CA2: variants seen among roughly 807,000 people sequenced by gnomAD.
CA2 encodes the protein carbonate dehydratase II.
In CA2, 23 loss-of-function variants were observed where a neutral mutation model predicts 27.8. That is an observed-to-expected ratio of 0.83 (90% CI 0.59 to 1.17). The LOEUF is 1.17. Among genes scored for constraint, CA2 ranks in the 50% most tolerant of loss-of-function variants. The pLI is 0.00. For synonymous variants in CA2, 99 were observed against 114.9 expected, an observed-to-expected ratio of 0.86 and a Z score of 0.88; for missense variants, 300 against 314.7, an observed-to-expected ratio of 0.95 and a Z score of 0.35.
Position 85,477,211 on chromosome 8 carries a change from C to T in CA2, c.599C>T (p.Pro200Leu). Reference protein sequence around the residue: ...YWTYPGSLTTPPLLECVTWIV... With the variant: ...YWTYPGSLTTLPLLECVTWIV... Reference sequence around the variant, plus strand: ...ACCTACCCAGGCTCACTGACCACCCCTCCTCTTCTGGAATGTGTGACCTGG... The same window carrying T: ...ACCTACCCAGGCTCACTGACCACCCTTCCTCTTCTGGAATGTGTGACCTGG... Residue 200 changes from proline (P) to leucine (L), a missense_variant, in exon 6 of 7, where the codon CCT becomes CTT. Pro to Leu is a moderately conservative substitution (Grantham distance 98). This residue lies in a region of CA2 where 173 missense variants were observed against 161.0 expected (regional missense o/e 1.07). Coordinates refer to ENST00000285379, the MANE Select transcript of CA2 (RefSeq NM_000067.3). The T allele has an allele frequency of 6.2e-7, 1 of 1,614,142 alleles. No individual in the cohort carries two copies. Among genetic ancestry groups the T allele is most frequent in the Non-Finnish European group, 8.5e-7 (1 of 1,180,000 alleles).
In CA2 at chr8:85,474,319, C is replaced by T. The variant is rs766238775; in HGVS notation, c.352-5C>T. The T allele has an allele frequency of 4.3e-6, 7 of 1,612,068 alleles. No individual in the cohort carries two copies. The highest frequency in any genetic ancestry group is 5.9e-6 in the Non-Finnish European group (7 of 1,178,138). ...CTCACTGTGGCTTTGTCTCTTCGGC[C>T]TTAGCTTCACTTGGTTCACTGGAAC... On this transcript the variant is annotated splice_region_variant and splice_polypyrimidine_tract_variant and intron_variant, in intron 3 of 6. Coordinates refer to ENST00000285379, the MANE Select transcript of CA2 (RefSeq NM_000067.3).
chr8:85,473,563 A>G (rs775485486), intron 2 of CA2, 130 bp from the exon 3 acceptor site: 1 of 702,276 alleles, frequency 1.4e-6, no homozygotes, highest in Non-Finnish European at 2.6e-6. Flanking sequence ...TAGTACTGTA[A>G]AACAGAATTA....
chr8:85,480,991 T>A lies in CA2; in HGVS notation c.*202T>A. ...TGACACAACTGCTGTGGCTGGTTGG[T>A]GCTTTGTTTATGGTAGTAGTTTTTC... On this transcript the variant is annotated 3_prime_UTR_variant, in exon 7 of 7. Coordinates refer to ENST00000285379, the MANE Select transcript of CA2 (RefSeq NM_000067.3). 3.4e-6 allele frequency: 2 copies of A among 588,416 alleles called. No homozygotes were observed. The highest frequency in any genetic ancestry group is 6.0e-6 in the Non-Finnish European group (2 of 330,610). 36.4% of individuals were successfully genotyped at this position (588,416 alleles called of 1,614,324 possible).
At chr8:85,475,708 A>G in intron 4 of CA2, 90 bp from the exon 5 acceptor site, 1 of 1,166,048 alleles carries the variant, frequency 8.6e-7, no homozygotes, top group Middle Eastern at 1.9e-4. Context: ...CACTATTTGG[A>G]TGTTTTCTAA....
rs910493177 is a variant in CA2 at position 85,481,331 on chromosome 8, T to C, written c.*542T>C. Reference sequence around the variant, plus strand: ...GTTATCTTAAATATGAATTCTGTTGTAATTTAATGACTTTTGAATTACAGA... The same window carrying C: ...GTTATCTTAAATATGAATTCTGTTGCAATTTAATGACTTTTGAATTACAGA... On this transcript the variant is annotated 3_prime_UTR_variant, in exon 7 of 7. Coordinates refer to ENST00000285379, the MANE Select transcript of CA2 (RefSeq NM_000067.3). 5 of 154,140 alleles carry C rather than the reference T, an allele frequency of 3.2e-5. No homozygotes were observed. Among genetic ancestry groups the C allele is most frequent in the Admixed American group, 2.6e-4 (4 of 15,594 alleles). 9.5% of individuals were successfully genotyped at this position (154,140 alleles called of 1,614,324 possible).
rs1030842217 is a variant in CA2 at position 85,473,680 on chromosome 8, G to A, written c.233-13G>A. On this transcript the variant is annotated splice_polypyrimidine_tract_variant and intron_variant, in intron 2 of 6. Transcript: ENST00000285379. ...ACATATATGTTACATATATATATAT[G>A]TTTTAATTTTAGTGCTCAAGGGAGG... is the stretch of plus-strand genomic sequence containing the variant. 3.1e-6 allele frequency: 4 copies of A among 1,274,528 alleles called. No individual in the cohort carries two copies. The Admixed American group carries it at 6.7e-5, about 21-fold the overall frequency. 79.0% of individuals were successfully genotyped at this position (1,274,528 alleles called of 1,614,324 possible).
At chr8:85,480,584 G>C in intron 6 of CA2, 86 bp from the exon 7 acceptor site, 1 of 1,382,938 alleles carries the variant, frequency 7.2e-7, no homozygotes, top group African/African-American at 1.4e-5. Flanking sequence ...CGCCTGGCCG[G>C]GGAATGTATT....
In CA2 at chr8:85,474,470, G is replaced by C. The variant is rs552852909; in HGVS notation, c.444+54G>C. 205 of 1,260,150 alleles carry C rather than the reference G, an allele frequency of 1.6e-4. No individual in the cohort carries two copies. In the Middle Eastern group the frequency reaches 3.2e-3, roughly 19 times the overall value. 78.1% of individuals were successfully genotyped at this position (1,260,150 alleles called of 1,614,324 possible). A position where few individuals can be genotyped will look rare whatever the true frequency, so the allele number is the denominator to read the frequency against. On this transcript the variant is annotated intron_variant, in intron 4 of 6. Coordinates refer to ENST00000285379, the MANE Select transcript of CA2 (RefSeq NM_000067.3). ...CCCTATTTTTAATAAAGAATGACCA[G>C]ACAGAGTATTTGTAACATACAGGAC... is the stretch of plus-strand genomic sequence containing the variant.
chr8:85,473,526 AGT>A (rs1484918994), intron 2 of CA2, 165 bp from the exon 3 acceptor site: 5 of 688,112 alleles, frequency 7.3e-6, no homozygotes, highest in Non-Finnish European at 1.3e-5. Context: ...GAATTTTCAG[AGT>A]AAAATGTGAT....
intron 2 of CA2, among the ~76,000 whole-genome samples, chr8:85,472,817 T>G (rs539417786): frequency 9.2e-5 from 14 of 151,766 alleles, no homozygotes; most frequent in Non-Finnish European, 2.1e-4. Context: ...AAGGCAAGAC[T>G]CTGCCTCTAC....
intron 4 of CA2, 50 bp from the exon 5 acceptor site, chr8:85,475,748 G>A (rs371512016): frequency 3.7e-5 from 56 of 1,533,818 alleles, no homozygotes; most frequent in Middle Eastern, 3.4e-4. Context: ...ATAAAAACTG[G>A]TACAGTACCA....
rs370381560 is a variant in CA2, at chr8:85,475,513, G to C, written c.445-285G>C. ...AAGTCCTACAAGGAAATCAAGGCAAGCCCTTGAGGAGTATCCTTTGGCAGT... is the reference window on the plus strand; with the variant it reads ...AAGTCCTACAAGGAAATCAAGGCAACCCCTTGAGGAGTATCCTTTGGCAGT... On this transcript the variant is annotated intron_variant, in intron 4 of 6. Transcript: ENST00000285379. Among the ~76,000 whole-genome samples, 27 of 152,008 alleles carry C rather than the reference G, an allele frequency of 1.8e-4. No individual in the cohort carries two copies. In the South Asian group the frequency reaches 3.5e-3, roughly 20 times the overall value.
intron 1 of CA2, 38 bp from the exon 2 acceptor site, chr8:85,465,234 C>G (rs757806803): frequency 6.5e-7 from 1 of 1,545,600 alleles, no homozygotes; most frequent in Admixed American, 1.7e-5. Flanking sequence ...GTGTACCTTT[C>G]CCCACAATGG....
intron 2 of CA2, among the ~76,000 whole-genome samples, chr8:85,472,882 T>C (rs1363340328): frequency 6.6e-6 from 1 of 151,492 alleles, no homozygotes. Context: ...TCCCAGCTAC[T>C]CGGGAGGCTG....
chr8:85,474,522 C>A, intron 4 of CA2, 106 bp downstream of exon 4: 1 of 889,962 alleles, frequency 1.1e-6, no homozygotes, highest in Non-Finnish European at 1.9e-6. Flanking sequence ...TAGGAAATGC[C>A]TTTGTCCCTG....
chr8:85,464,293 G>T, intron 1 of CA2, 178 bp downstream of exon 1: 3 of 506,982 alleles, frequency 5.9e-6, no homozygotes, highest in Non-Finnish European at 1.0e-5. Flanking sequence ...GCGGCTCCGC[G>T]GCGCCGGGGA....
chr8:85,473,039 A>T (rs1279571309), intron 2 of CA2, among the ~76,000 whole-genome samples: 2 of 140,254 alleles, frequency 1.4e-5, no homozygotes, highest in East Asian at 2.7e-4. Flanking sequence ...TAAATAAATA[A>T]TAAAAAAAAT....
chr8:85,467,033 T>C (rs1811641373), intron 2 of CA2, among the ~76,000 whole-genome samples: 1 of 152,228 alleles, frequency 6.6e-6, no homozygotes, highest in Admixed American at 6.5e-5. Flanking sequence ...CACAATGATG[T>C]CATTGTTTTC....
intron 6 of CA2, among the ~76,000 whole-genome samples, chr8:85,479,952 T>C (rs759872280): frequency 1.3e-5 from 2 of 152,184 alleles, no homozygotes; most frequent in Non-Finnish European, 2.9e-5. Context: ...GATCTAATTG[T>C]ATGGATGTGG....
Sources: gnomAD v4.1 joint callset for allele counts (sites outside exome capture counted in the v4.1 genomes callset) on GRCh38, gnomAD v4.1.1 for gene constraint, gnomAD v4.1.1 regional missense constraint, MANE v1.5 for transcripts, NCBI Gene and HGNC (gene_info 2026-07-23, HGNC 2026-07-21) for gene names.